Variants in AGO4 observed in about 807,000 individuals in gnomAD.
AGO4 encodes protein argonaute-4.
Under a neutral mutation model 104.7 loss-of-function variants are expected in AGO4, and 33 were observed. The observed-to-expected ratio is 0.32, with a 90% CI of 0.24 to 0.42. The LOEUF is 0.42. Ranked by LOEUF, AGO4 falls within the 10% of genes least tolerant of loss-of-function variation. AGO4 has a pLI of 1.00. For synonymous variants in AGO4, 331 were observed against 364.7 expected (o/e 0.91, Z 1.05); for missense variants, 711 against 1,083.4 (o/e 0.66, Z 4.83).
chr1:35,846,302 A>T (rs528918906), intron 15 of AGO4, among the ~76,000 whole-genome samples: 5 of 152,116 alleles, frequency 3.3e-5, no homozygotes, highest in Admixed American at 6.6e-5. Context: ...GCATTTAGAA[A>T]ATAGTCCTCT....
In AGO4 at chr1:35,831,450, G is replaced by A. The variant is rs1644183811; in HGVS notation, c.872G>A (p.Gly291Asp). Residue 291 changes from glycine (G) to aspartate (D), a missense_variant, in exon 8 of 18, where the codon GGT becomes GAT. Around this residue, in one of 3 missense-constraint regions of AGO4, gnomAD observed 308 missense variants for 397.8 expected, o/e 0.77. Transcript: ENST00000373210. ...AGTTTTCCTTTGCAGCTAGAAAACGGTCAAGCTATGGAATGTACAGTAGCT... is the reference window on the plus strand; with the variant it reads ...AGTTTTCCTTTGCAGCTAGAAAACGATCAAGCTATGGAATGTACAGTAGCT... ...HQTFPLQLEN[G>D]QAMECTVAQY... 1.2e-6 allele frequency: 2 copies of A among 1,609,298 alleles called. No individual in the cohort carries two copies. Among genetic ancestry groups the A allele is most frequent in the Non-Finnish European group, 1.7e-6 (2 of 1,178,764 alleles).
chr1:35,831,421 C>G lies in AGO4; in HGVS notation c.849-6C>G. 4 of 1,597,510 alleles carry G rather than the reference C, an allele frequency of 2.5e-6. No individual in the cohort carries two copies. Among genetic ancestry groups the G allele is most frequent in the Non-Finnish European group, 3.4e-6 (4 of 1,175,530 alleles). On this transcript the variant is annotated splice_polypyrimidine_tract_variant and splice_region_variant and intron_variant, in intron 7 of 17. Transcript: ENST00000373210. ...AATATTCTAAAAAAGACATTCTCTC[C>G]TATAGTTTTCCTTTGCAGCTAGAAA... is the stretch of plus-strand genomic sequence containing the variant.
At chr1:35,847,942 G>A (rs756966951) in intron 15 of AGO4, among the ~76,000 whole-genome samples, 11 of 150,730 alleles carry the variant, frequency 7.3e-5, no homozygotes, top group African/African-American at 1.0e-4. Flanking sequence ...TCAAATCAGG[G>A]TATAATTAGA....
chr1:35,849,034 C>T (rs893329120), intron 15 of AGO4, among the ~76,000 whole-genome samples: 2 of 152,122 alleles, frequency 1.3e-5, no homozygotes, highest in Admixed American at 6.6e-5. Flanking sequence ...CAAATTTGTG[C>T]CTGTATGCTA....
chr1:35,819,626 G>A (rs998956557), intron 2 of AGO4, among the ~76,000 whole-genome samples: 5 of 151,466 alleles, frequency 3.3e-5, no homozygotes, highest in Non-Finnish European at 7.4e-5. Context: ...CCAGCTACTC[G>A]GGAGGCTGAG....
At chr1:35,832,035 T>C in intron 9 of AGO4, 22 bp from the exon 10 acceptor site, 3 of 1,607,216 alleles carry the variant, frequency 1.9e-6, no homozygotes, top group Non-Finnish European at 2.5e-6. Context: ...TTTTTATATA[T>C]GCAGGCTTTC....
At chr1:35,810,861 G>A (rs1199823664) in intron 1 of AGO4, among the ~76,000 whole-genome samples, 5 of 152,192 alleles carry the variant, frequency 3.3e-5, no homozygotes, top group African/African-American at 9.7e-5. Flanking sequence ...TAAAACTGTG[G>A]TGGTTCATGC....
chr1:35,850,092 G>T lies in AGO4; in HGVS notation c.2176-65G>T, dbSNP rs891718656. On this transcript the variant is annotated intron_variant, in intron 15 of 17. Transcript: ENST00000373210. The stretch of plus-strand genomic sequence containing the variant: ...ACTTGCTCCCAATTAACACACAAAA[G>T]AAAAAAATGGCCTGACCACAGTTTG... The T allele has an allele frequency of 6.9e-5, 78 of 1,132,798 alleles. 2 individuals carry two copies. In the Middle Eastern group the frequency reaches 1.2e-3, roughly 18 times the overall value. 70.2% of individuals were successfully genotyped at this position (1,132,798 alleles called of 1,614,324 possible). A position where few individuals can be genotyped will look rare whatever the true frequency, so the allele number is the denominator to read the frequency against.
intron 2 of AGO4, among the ~76,000 whole-genome samples, chr1:35,818,641 GAAAGAAAGA>G (rs1643794134): frequency 4.0e-5 from 4 of 99,884 alleles, no homozygotes; most frequent in African/African-American, 1.1e-4. Flanking sequence ...AAGAAAGAAA[GAAAGAAAGA>G]AAGAAAGAAA....
chr1:35,843,861 T>C (rs962592095), intron 15 of AGO4, among the ~76,000 whole-genome samples: 4 of 152,202 alleles, frequency 2.6e-5, no homozygotes, highest in African/African-American at 9.7e-5. Flanking sequence ...ATTATTAAGC[T>C]ATCTCATAGT....
At chr1:35,819,465 A>G (rs1391482582) in intron 2 of AGO4, among the ~76,000 whole-genome samples, 4 of 151,836 alleles carry the variant, frequency 2.6e-5, no homozygotes, top group Admixed American at 2.0e-4. Flanking sequence ...GCGGTGGCTC[A>G]CATCTTTGGA....
intron 2 of AGO4, among the ~76,000 whole-genome samples, chr1:35,817,960 C>T (rs1643763902): frequency 6.6e-6 from 1 of 152,016 alleles, no homozygotes; most frequent in African/African-American, 2.4e-5. Flanking sequence ...TGGGAATTCA[C>T]CATGAACAAA....
At chr1:35,820,901 A>G (rs1643875063) in intron 2 of AGO4, among the ~76,000 whole-genome samples, 1 of 152,184 alleles carries the variant, frequency 6.6e-6, no homozygotes, top group Non-Finnish European at 1.5e-5. Context: ...CTCAATTAAG[A>G]CAACCACTTT....
Position 35,825,414 on chromosome 1 carries a change from T to G in AGO4, c.408T>G (p.Ala136=), listed in dbSNP as rs1440416335. Residue 136 remains alanine (A), a synonymous_variant, in exon 4 of 18, where the codon GCT becomes GCG. Coordinates refer to ENST00000373210, the MANE Select transcript of AGO4 (RefSeq NM_017629.4). The part of the protein sequence containing the change: ...SVVSLQLLLE[A]LAGHLNEVPD... The stretch of plus-strand genomic sequence containing the variant: ...TGAGCCTTCAGTTGCTTTTAGAAGC[T>G]TTGGCTGGGCACTTGAATGAAGTCC... 7 of 1,614,210 alleles carry G rather than the reference T, an allele frequency of 4.3e-6. No individual in the cohort carries two copies. The highest frequency in any genetic ancestry group is 5.9e-6 in the Non-Finnish European group (7 of 1,180,030).
At chr1:35,834,227 C>T in intron 12 of AGO4, 53 bp downstream of exon 12, 2 of 1,405,700 alleles carry the variant, frequency 1.4e-6, no homozygotes, top group Non-Finnish European at 1.9e-6. Context: ...GTAGATATAA[C>T]AGTCAGGATA....
At chr1:35,833,528 T>TAGTC (rs1040594310) in intron 11 of AGO4, among the ~76,000 whole-genome samples, 25 of 152,214 alleles carry the variant, frequency 1.6e-4, no homozygotes, top group African/African-American at 6.0e-4. Flanking sequence ...AGTTTGAATG[T>TAGTC]AGTCCTAAAT....
At chr1:35,829,840 T>TTA (rs1553146791) in intron 7 of AGO4, among the ~76,000 whole-genome samples, 2 of 62,172 alleles carry the variant, frequency 3.2e-5, no homozygotes, top group African/African-American at 1.2e-4. Flanking sequence ...GACTACATCT[T>TTA]AAAAAAAAAA....
At chr1:35,810,784 A>G (rs1311212977) in intron 1 of AGO4, among the ~76,000 whole-genome samples, 1 of 152,148 alleles carries the variant, frequency 6.6e-6, no homozygotes, top group Non-Finnish European at 1.5e-5. Flanking sequence ...ATGTTGTCAT[A>G]TCAGTTGCCC....
rs1464346250 is a variant in AGO4 at position 35,831,861 on chromosome 1, A to G, written c.1046A>G (p.Asn349Ser). 2 of 1,614,064 alleles carry G rather than the reference A, an allele frequency of 1.2e-6. No individual in the cohort carries two copies. Among genetic ancestry groups the G allele is most frequent in the East Asian group, 2.2e-5 (1 of 44,892 alleles). The part of the protein sequence containing the change: ...GQRCIKKLTD[N>S]QTSTMIKATA... ...CGATGTATCAAGAAGCTCACAGACA[A>G]TCAGACTTCCACAATGATCAAAGCT... is the stretch of plus-strand genomic sequence containing the variant. The change falls in exon 9 of 18, where the codon AAT becomes AGT. Residue 349 changes from asparagine to serine, a missense_variant. Coordinates refer to ENST00000373210, the MANE Select transcript of AGO4 (RefSeq NM_017629.4).
Sources: allele counts gnomAD v4.1 joint callset (sites outside exome capture counted in the v4.1 genomes callset), GRCh38; gene constraint gnomAD v4.1.1; regional missense constraint gnomAD v4.1.1; transcripts MANE v1.5; gene names NCBI Gene and HGNC (gene_info 2026-07-23, HGNC 2026-07-21).